Variants in ERG observed in about 807,000 individuals in gnomAD.
ERG encodes transcriptional regulator ERG.
ERG carries 9 observed loss-of-function variants against 55.3 expected under a neutral mutation model. The observed-to-expected ratio is 0.16, with a 90% CI of 0.10 to 0.28. The LOEUF (loss-of-function observed/expected upper bound fraction) is 0.28, where lower values mean the gene tolerates loss of function less well. Among genes scored for constraint, ERG ranks in the 10% least tolerant of loss-of-function variants. The pLI, the probability that ERG is intolerant of heterozygous loss-of-function variation, is 1.00. For synonymous variants in ERG, 223 were observed against 237.3 expected (o/e 0.94, Z 0.55); for missense variants, 434 against 631.6 (o/e 0.69, Z 3.35).
At chr21:38,409,431 C>T (rs892714468) in intron 3 of ERG, among the ~76,000 whole-genome samples, 8 of 146,568 alleles carry the variant, frequency 5.5e-5, no homozygotes, top group East Asian at 2.1e-4. Context: ...TGCGATAAGC[C>T]GAGATTGCGC....
intron 1 of ERG, among the ~76,000 whole-genome samples, chr21:38,475,234 G>A (rs999114517): frequency 2.0e-5 from 3 of 152,160 alleles, no homozygotes; most frequent in African/African-American, 7.2e-5. Flanking sequence ...GGCAAGGGAT[G>A]GGAGATGGGA....
rs530949422 is a variant in ERG at position 38,575,976 on chromosome 21, C to A, written c.-126-229G>T. On this transcript the variant is annotated intron_variant, in intron 1 of 8. Transcript: ENST00000398897. ...ACAATGAGCCCAAGAGAACCCTAGT[C>A]CGACAGGACAGAAGAATCTAGCTCA... is the stretch of plus-strand genomic sequence containing the variant. Among the ~76,000 whole-genome samples, 4 of 152,368 alleles carry A rather than the reference C, an allele frequency of 2.6e-5. No homozygotes were observed. In the South Asian group the frequency reaches 8.3e-4, roughly 32 times the overall value.
At chr21:38,593,872 C>G (rs2060115867) in intron 1 of ERG, among the ~76,000 whole-genome samples, 1 of 152,078 alleles carries the variant, frequency 6.6e-6, no homozygotes, top group Non-Finnish European at 1.5e-5. Flanking sequence ...CACTTTGATA[C>G]TTGTAGGAGG....
chr21:38,634,711 C>T (rs947758277), intron 1 of ERG, among the ~76,000 whole-genome samples: 1 of 152,206 alleles, frequency 6.6e-6, no homozygotes, highest in East Asian at 1.9e-4. Context: ...ATCTGTAACA[C>T]TTATTCTATT....
intron 1 of ERG, among the ~76,000 whole-genome samples, chr21:38,607,585 G>C (rs1408280135): frequency 6.6e-6 from 1 of 152,070 alleles, no homozygotes; most frequent in Non-Finnish European, 1.5e-5. Flanking sequence ...AGTGAGCCCA[G>C]ATTGCGCTGC....
chr21:38,545,450 C>G (rs1409525394), intron 2 of ERG, among the ~76,000 whole-genome samples: 1 of 152,202 alleles, frequency 6.6e-6, no homozygotes, highest in Non-Finnish European at 1.5e-5. Context: ...CTGAGACAGA[C>G]ACTGCCATGA....
the ERG span, among the ~76,000 whole-genome samples, chr21:38,370,548 G>T: frequency 5.9e-5 from 9 of 151,884 alleles, no homozygotes; most frequent in African/African-American, 1.9e-4. Flanking sequence ...TGCTTTATAA[G>T]TTTAAATTTT....
chr21:38,603,672 C>T (rs2060178439), intron 1 of ERG, among the ~76,000 whole-genome samples: 2 of 151,956 alleles, frequency 1.3e-5, no homozygotes, highest in South Asian at 4.1e-4. Flanking sequence ...GAGATATCAC[C>T]CAAGGCAGGG....
At chr21:38,486,732 G>A (rs2059288946) in intron 1 of ERG, among the ~76,000 whole-genome samples, 2 of 152,298 alleles carry the variant, frequency 1.3e-5, no homozygotes, top group East Asian at 1.9e-4. Context: ...TTATTATTAT[G>A]AGATGAGGTA....
chr21:38,529,163 T>G (rs2059653709), intron 2 of ERG, among the ~76,000 whole-genome samples: 1 of 152,102 alleles, frequency 6.6e-6, no homozygotes, highest in Non-Finnish European at 1.5e-5. Flanking sequence ...TTATCCACAT[T>G]GCCGAGGGAA....
chr21:38,459,460 A>G (rs2059020700), intron 1 of ERG, among the ~76,000 whole-genome samples: 2 of 152,258 alleles, frequency 1.3e-5, no homozygotes, highest in Non-Finnish European at 2.9e-5. Context: ...ATTACAATTT[A>G]CTTTGGGGGA....
chr21:38,625,313 AAGAAC>A (rs1421808796), intron 1 of ERG, among the ~76,000 whole-genome samples: 1 of 152,214 alleles, frequency 6.6e-6, no homozygotes, highest in Non-Finnish European at 1.5e-5. Context: ...TAAAGGTTTG[AAGAAC>A]AGAGTTATTT....
At chr21:38,457,163 G>A (rs903115444) in intron 1 of ERG, among the ~76,000 whole-genome samples, 77 of 152,120 alleles carry the variant, frequency 5.1e-4, no homozygotes, top group Admixed American at 1.6e-3. Context: ...AAGCCTGGGC[G>A]GGGTGGCTCA....
chr21:38,625,840 T>C (rs1342237456), intron 1 of ERG, among the ~76,000 whole-genome samples: 1 of 152,096 alleles, frequency 6.6e-6, no homozygotes, highest in Non-Finnish European at 1.5e-5. Flanking sequence ...ATGGTGCGTA[T>C]TTAGAATAAT....
At chr21:38,590,770 T>A (rs904378373) in intron 1 of ERG, among the ~76,000 whole-genome samples, 1 of 152,122 alleles carries the variant, frequency 6.6e-6, no homozygotes, top group African/African-American at 2.4e-5. Flanking sequence ...AAACACTAAC[T>A]AGGGTTGGGC....
chr21:38,650,123 T>C (rs899309949), intron 1 of ERG, among the ~76,000 whole-genome samples: 10 of 152,174 alleles, frequency 6.6e-5, no homozygotes, highest in African/African-American at 2.4e-4. Context: ...CACTGCCCAC[T>C]GGGAAAAATA....
chr21:38,609,722 A>G lies in ERG; in HGVS notation c.-149-24777T>C, dbSNP rs534669175. 9.2e-5 allele frequency among the ~76,000 whole-genome samples: 14 copies of G among 152,370 alleles called. 1 individual carries two copies. In the South Asian group the frequency reaches 2.3e-3, roughly 25 times the overall value. ...TGCATATGTGTGAAATCTGTGCTGT[A>G]TACAGGCAAAGAGAAAGCAGAGTCA... On this transcript the variant is annotated intron_variant, in intron 1 of 10. Coordinates refer to the ERG transcript ENST00000398910.
chr21:38,473,159 C>CATAAAAAAAA (rs2059155828), intron 1 of ERG, among the ~76,000 whole-genome samples: 1 of 106,054 alleles, frequency 9.4e-6, no homozygotes, highest in African/African-American at 4.0e-5. Context: ...AGGATGCGCT[C>CATAAAAAAAA]AAAAAAAAAA....
intron 2 of ERG, among the ~76,000 whole-genome samples, chr21:38,428,450 G>A (rs781356483): frequency 1.3e-5 from 2 of 152,152 alleles, no homozygotes; most frequent in African/African-American, 4.8e-5. Context: ...AGAGGACCAC[G>A]TGTTCTCCAT....
Sources: allele counts gnomAD v4.1 joint callset (sites outside exome capture counted in the v4.1 genomes callset), GRCh38; gene constraint gnomAD v4.1.1; transcripts MANE v1.5; gene names NCBI Gene and HGNC (gene_info 2026-07-23, HGNC 2026-07-21).